MTO1: variants seen among roughly 807,000 people sequenced by gnomAD.
The protein encoded by MTO1 is mitochondrial tRNA translation optimization 1.
In MTO1, 46 loss-of-function variants were observed where a neutral mutation model predicts 71.6. That is an observed-to-expected ratio of 0.64 (90% confidence interval 0.51 to 0.82). The LOEUF (loss-of-function observed/expected upper bound fraction) is 0.82, where lower values mean the gene tolerates loss of function less well. Ranked by LOEUF, MTO1 falls within the 40% of genes least tolerant of loss-of-function variation. MTO1 has a pLI of 0.00. For missense variants in MTO1, 773 were observed against 867.5 expected (o/e 0.89, Z 1.37); for synonymous variants, 297 against 312.1 (o/e 0.95, Z 0.51).
At chr6:73,489,738 A>G (rs1561950776) in intron 9 of MTO1, among the ~76,000 whole-genome samples, 2 of 152,176 alleles carry the variant, frequency 1.3e-5, no homozygotes. Flanking sequence ...TAGTGCCACA[A>G]TAAACATACG....
chr6:73,482,647 T>C, intron 9 of MTO1, 27 bp downstream of exon 9: 2 of 1,541,806 alleles, frequency 1.3e-6, no homozygotes, highest in East Asian at 2.2e-5. Context: ...TAGACCTTTC[T>C]CACTTTTTAT....
At chr6:73,468,530 G>A (rs1401516313) in intron 3 of MTO1, among the ~76,000 whole-genome samples, 7 of 151,986 alleles carry the variant, frequency 4.6e-5, no homozygotes, top group Non-Finnish European at 8.8e-5. Flanking sequence ...TATTGACTAA[G>A]TATTGTTTAC....
chr6:73,480,395 T>G lies in MTO1; in HGVS notation c.1129+269T>G. ...TCGTGATTCTTCTGCCTCAGCCTCC[T>G]GAGTAACTGGGATTACAGGCATGCA... On this transcript the variant is annotated intron_variant, in intron 6 of 11. Coordinates refer to ENST00000498286, the MANE Select transcript of MTO1 (RefSeq NM_012123.4). 6 of 641,594 alleles carry G rather than the reference T, an allele frequency of 9.4e-6. 1 individual carries two copies. The highest frequency in any genetic ancestry group is 9.3e-5 in the South Asian group (6 of 64,864). 39.7% of individuals were successfully genotyped at this position (641,594 alleles called of 1,614,324 possible).
intron 3 of MTO1, chr6:73,471,626 A>G (rs987723126): frequency 1.2e-5 from 3 of 258,612 alleles, no homozygotes; most frequent in African/African-American, 7.0e-5. Context: ...CTATGTTGCC[A>G]GGACTGGTCT....
intron 4 of MTO1, 146 bp from the exon 5 acceptor site, chr6:73,479,586 G>T: frequency 7.4e-6 from 4 of 538,550 alleles, no homozygotes; most frequent in South Asian, 3.4e-5. Flanking sequence ...GTTTATTTTT[G>T]GCAAGAATAC....
intron 1 of MTO1, among the ~76,000 whole-genome samples, chr6:73,465,148 C>T (rs1280459501): frequency 6.6e-6 from 1 of 151,318 alleles, no homozygotes; most frequent in South Asian, 2.1e-4. Flanking sequence ...CAAGGGGCTT[C>T]TTTGTTTTTT....
intron 6 of MTO1, 96 bp from the exon 7 acceptor site, chr6:73,480,579 T>A: frequency 6.8e-7 from 1 of 1,469,892 alleles, no homozygotes; most frequent in South Asian, 1.2e-5. Context: ...CTAAATAGTC[T>A]GTTTTTAAAG....
At chr6:73,467,544 C>T (rs1241709283) in intron 3 of MTO1, among the ~76,000 whole-genome samples, 3 of 147,984 alleles carry the variant, frequency 2.0e-5, no homozygotes, top group African/African-American at 7.5e-5. Flanking sequence ...ACCCAGGAGG[C>T]GGAGGTTGTG....
intron 11 of MTO1, among the ~76,000 whole-genome samples, chr6:73,499,357 A>G (rs1455545592): frequency 6.6e-6 from 1 of 151,858 alleles, no homozygotes; most frequent in African/African-American, 2.4e-5. Flanking sequence ...GGTTATTTAC[A>G]TTAATTAAAA....
At chr6:73,479,880 G>A (rs1242935532) in intron 5 of MTO1, 36 bp downstream of exon 5, 2 of 1,604,244 alleles carry the variant, frequency 1.2e-6, no homozygotes, top group Non-Finnish European at 1.7e-6. Flanking sequence ...TTACTTTAAG[G>A]AATGACGTCA....
chr6:73,465,410 C>G (rs1770955514), intron 1 of MTO1, among the ~76,000 whole-genome samples: 1 of 152,034 alleles, frequency 6.6e-6, no homozygotes, highest in African/African-American at 2.4e-5. Flanking sequence ...GCAATCCACC[C>G]TCTTTGGCCT....
chr6:73,481,824 A>C (rs1395087249), intron 7 of MTO1, among the ~76,000 whole-genome samples: 5 of 152,110 alleles, frequency 3.3e-5, no homozygotes, highest in Non-Finnish European at 4.4e-5. Context: ...GATTAGATGG[A>C]TATCTCTGAA....
At chr6:73,474,535 G>A (rs944231177) in intron 4 of MTO1, among the ~76,000 whole-genome samples, 10 of 152,016 alleles carry the variant, frequency 6.6e-5, no homozygotes, top group Non-Finnish European at 1.0e-4. Flanking sequence ...TGCAACTTCC[G>A]CATCCTGGGT....
At chr6:73,465,159 CT>C (rs1282049284) in intron 1 of MTO1, among the ~76,000 whole-genome samples, 1 of 151,300 alleles carries the variant, frequency 6.6e-6, no homozygotes, top group African/African-American at 2.4e-5. Context: ...TTTGTTTTTT[CT>C]TTTTTCTTTT....
intron 3 of MTO1, among the ~76,000 whole-genome samples, chr6:73,472,918 T>C (rs930075575): frequency 1.3e-5 from 2 of 152,204 alleles, no homozygotes; most frequent in African/African-American, 2.4e-5. Context: ...TAAAGACTGA[T>C]AGTTTTTCTG....
chr6:73,474,403 G>T (rs544511848), intron 4 of MTO1, among the ~76,000 whole-genome samples: 5 of 152,208 alleles, frequency 3.3e-5, no homozygotes, highest in Admixed American at 2.0e-4. Flanking sequence ...ATCTCTAAAA[G>T]GGATTAGCTA....
Position 73,480,012 on chromosome 6 carries a change from A to G in MTO1, c.1015A>G (p.Met339Val). 6.2e-7 allele frequency: 1 copy of G among 1,614,158 alleles called. No homozygotes were observed. The highest frequency in any genetic ancestry group is 8.5e-7 in the Non-Finnish European group (1 of 1,179,996). Residue 339 changes from methionine (M) to valine (V), a missense_variant, in exon 6 of 12, where the codon ATG (methionine) becomes GTG (valine). Met to Val is a conservative substitution (Grantham distance 21). Transcript: ENST00000498286. Reference protein sequence around the residue: ...LHQVWLEPEGMDSDLIYPQGL... With the variant: ...LHQVWLEPEGVDSDLIYPQGL... Reference sequence around the variant, plus strand: ...TCAGGTTTGGTTGGAACCTGAAGGAATGGATTCTGACCTTATCTACCCACA... The same window carrying G: ...TCAGGTTTGGTTGGAACCTGAAGGAGTGGATTCTGACCTTATCTACCCACA...
intron 10 of MTO1, among the ~76,000 whole-genome samples, chr6:73,493,350 A>ATG (rs1169202264): frequency 1.9e-4 from 9 of 46,424 alleles, no homozygotes; most frequent in East Asian, 1.6e-3. Context: ...TGAAATGTGC[A>ATG]TGTATGTGTG....
chr6:73,492,968 ATGTG>A (rs368351300), intron 10 of MTO1, among the ~76,000 whole-genome samples: 99 of 67,872 alleles, frequency 1.5e-3, no homozygotes, highest in South Asian at 4.9e-3. Flanking sequence ...TATATAATAT[ATGTG>A]TGTGTGTGTG....
Sources: gnomAD v4.1 joint callset for allele counts (sites outside exome capture counted in the v4.1 genomes callset) on GRCh38, gnomAD v4.1.1 for gene constraint, MANE v1.5 for transcripts, NCBI Gene and HGNC (gene_info 2026-07-23, HGNC 2026-07-21) for gene names.